DLGAP2: variants seen among roughly 807,000 people sequenced by gnomAD.
The protein encoded by DLGAP2 is disks large-associated protein 2.
In DLGAP2, 26 loss-of-function variants were observed where a neutral mutation model predicts 100.3. That is an observed-to-expected ratio of 0.26 (90% CI 0.19 to 0.36). The LOEUF (loss-of-function observed/expected upper bound fraction) is 0.36, where lower values mean the gene tolerates loss of function less well. Among genes scored for constraint, DLGAP2 ranks in the 10% least tolerant of loss-of-function variants. The probability of loss-of-function intolerance (pLI) is 1.00; values close to 1 mark genes in which losing one functional copy is unlikely to be tolerated. For synonymous variants in DLGAP2, 886 were observed against 630.1 expected (o/e 1.41, Z -6.08); for missense variants, 1,858 against 1,453.2 (o/e 1.28, Z -4.53).
chr8:823,081 C>G (rs1796613392), intron 1 of DLGAP2, among the ~76,000 whole-genome samples: 1 of 152,022 alleles, frequency 6.6e-6, no homozygotes, highest in South Asian at 2.1e-4. Flanking sequence ...CTGCCACTGC[C>G]TGTCATCTCC....
chr8:783,734 G>C (rs1754309096), intron 1 of DLGAP2, among the ~76,000 whole-genome samples: 1 of 152,170 alleles, frequency 6.6e-6, no homozygotes, highest in African/African-American at 2.4e-5. Flanking sequence ...ATGAAAGAGG[G>C]AAAAGGTGTA....
chr8:1,233,939 A>T (rs1282857164), intron 2 of DLGAP2, among the ~76,000 whole-genome samples: 2 of 152,222 alleles, frequency 1.3e-5, no homozygotes, highest in South Asian at 2.1e-4. Context: ...AAAGGACTTA[A>T]GGTGTCCTAG....
At chr8:794,895 G>C (rs142010761) in intron 1 of DLGAP2, among the ~76,000 whole-genome samples, 5 of 152,238 alleles carry the variant, frequency 3.3e-5, no homozygotes, top group Non-Finnish European at 4.4e-5. Flanking sequence ...TGCAGGACGG[G>C]GTCCCTGGTG....
chr8:1,125,551 A>T (rs1391240665), intron 2 of DLGAP2, among the ~76,000 whole-genome samples: 1 of 152,214 alleles, frequency 6.6e-6, no homozygotes, highest in African/African-American at 2.4e-5. Flanking sequence ...AACTCTTAAA[A>T]ATAGGGGCTA....
intron 3 of DLGAP2, among the ~76,000 whole-genome samples, chr8:1,381,807 G>GTC (rs1327183477): frequency 6.6e-6 from 1 of 151,234 alleles, no homozygotes; most frequent in Non-Finnish European, 1.5e-5. Flanking sequence ...GTGTGTGTGT[G>GTC]TGTGTGTGTG....
intron 3 of DLGAP2, among the ~76,000 whole-genome samples, chr8:1,271,543 G>A (rs1230670405): frequency 1.3e-5 from 2 of 152,144 alleles, no homozygotes; most frequent in African/African-American, 2.4e-5. Flanking sequence ...TTGTACATCC[G>A]AGAAACATCT....
At chr8:1,415,002 C>G (rs1375443515) in intron 3 of DLGAP2, among the ~76,000 whole-genome samples, 4 of 151,920 alleles carry the variant, frequency 2.6e-5, no homozygotes, top group African/African-American at 4.9e-5. Flanking sequence ...GAGCAAGACT[C>G]CGTCTCAAAA....
intron 3 of DLGAP2, among the ~76,000 whole-genome samples, chr8:1,343,999 A>G (rs1311444415): frequency 2.0e-5 from 3 of 152,156 alleles, no homozygotes; most frequent in Non-Finnish European, 4.4e-5. Flanking sequence ...GCATTTACCA[A>G]CGTCCTATTC....
At chr8:765,192 C>T (rs1244461130) in intron 1 of DLGAP2, among the ~76,000 whole-genome samples, 1 of 152,104 alleles carries the variant, frequency 6.6e-6, no homozygotes, top group Non-Finnish European at 1.5e-5. Flanking sequence ...GGAGTTTTTC[C>T]ATATGAGTTT....
At chr8:1,225,537 C>T (rs1242652257) in intron 2 of DLGAP2, among the ~76,000 whole-genome samples, 2 of 152,164 alleles carry the variant, frequency 1.3e-5, no homozygotes, top group Non-Finnish European at 2.9e-5. Flanking sequence ...GTATTAAATG[C>T]CACTACATGG....
chr8:1,165,228 G>A (rs1377050043), intron 2 of DLGAP2, among the ~76,000 whole-genome samples: 1 of 150,826 alleles, frequency 6.6e-6, no homozygotes, highest in Non-Finnish European at 1.5e-5. Flanking sequence ...GGGGCGGGAG[G>A]AACAGAGGCA....
intron 3 of DLGAP2, among the ~76,000 whole-genome samples, chr8:1,456,324 C>G (rs7012498): frequency 6.6e-6 from 1 of 152,224 alleles, no homozygotes; most frequent in South Asian, 2.1e-4. Flanking sequence ...CCACCCTGTA[C>G]GTATTCATCA....
chr8:1,686,041 A>G (rs1799106208), intron 12 of DLGAP2, among the ~76,000 whole-genome samples: 1 of 152,186 alleles, frequency 6.6e-6, no homozygotes. Flanking sequence ...AAATAGAACC[A>G]CCATGTGATC....
rs547062349 is a variant in DLGAP2, at chr8:1,446,367, A to G, written c.107-54999A>G. Among the ~76,000 whole-genome samples, 1,004 of 151,402 alleles carry G rather than the reference A, an allele frequency of 6.6e-3. 9 individuals are homozygous for G. The highest frequency in any genetic ancestry group is 0.027 in the Middle Eastern group (8 of 294). ...ATAGGGAATCCTTTCCCCATTGCTT[A>G]TTTTTGTCAGGTTTGTCAAAGATCA... On this transcript the variant is annotated intron_variant, in intron 3 of 14. Transcript: ENST00000637795.
At chr8:1,457,434 C>G (rs1218277669) in intron 3 of DLGAP2, among the ~76,000 whole-genome samples, 1 of 152,074 alleles carries the variant, frequency 6.6e-6, no homozygotes, top group Non-Finnish European at 1.5e-5. Context: ...GAAATGTATT[C>G]CAGCATATTT....
chr8:1,477,271 G>C (rs1798962167), intron 3 of DLGAP2, among the ~76,000 whole-genome samples: 1 of 152,152 alleles, frequency 6.6e-6, no homozygotes, highest in African/African-American at 2.4e-5. Flanking sequence ...GGAAGGTACT[G>C]GACCATAACA....
intron 2 of DLGAP2, among the ~76,000 whole-genome samples, chr8:1,240,830 A>G (rs1283332228): frequency 1.6e-4 from 1 of 6,332 alleles, no homozygotes; most frequent in East Asian, 1.3e-3. Flanking sequence ...TACCTCTCAC[A>G]TGGTGCCATG....
At chr8:1,686,532 G>A (rs539120642) in intron 12 of DLGAP2, among the ~76,000 whole-genome samples, 1 of 152,146 alleles carries the variant, frequency 6.6e-6, no homozygotes, top group Non-Finnish European at 1.5e-5. Flanking sequence ...GCCAGGCATG[G>A]TGGCGCACGC....
At chr8:893,710 T>A (rs140596782) in intron 1 of DLGAP2, among the ~76,000 whole-genome samples, 4 of 152,220 alleles carry the variant, frequency 2.6e-5, no homozygotes, top group South Asian at 4.1e-4. Flanking sequence ...TATCCAGGAC[T>A]CTGTTAACCG....
Sources: allele counts gnomAD v4.1 joint callset (sites outside exome capture counted in the v4.1 genomes callset), GRCh38; gene constraint gnomAD v4.1.1; transcripts MANE v1.5; gene names NCBI Gene and HGNC (gene_info 2026-07-23, HGNC 2026-07-21).